The following TOMM40L variants were observed in gnomAD, a reference collection of about 807,000 sequenced individuals.
TOMM40L encodes mitochondrial import receptor subunit TOM40B.
Under a neutral mutation model 38.3 loss-of-function variants are expected in TOMM40L, and 17 were observed. The ratio of observed to expected loss-of-function variants is 0.44; its 90% confidence interval spans 0.30 to 0.67. TOMM40L has a LOEUF of 0.67. Ranked by LOEUF, TOMM40L falls within the 30% of genes least tolerant of loss-of-function variation. The probability of loss-of-function intolerance (pLI) is 0.08; values close to 1 mark genes in which losing one functional copy is unlikely to be tolerated. For synonymous variants in TOMM40L, 151 were observed against 150.2 expected, an observed-to-expected ratio of 1.01 and a Z score of -0.04; for missense variants, 294 against 390.0, an observed-to-expected ratio of 0.75 and a Z score of 2.07.
At position 161,226,360 on chromosome 1, in the gene TOMM40L, G is replaced by GAT; in HGVS notation, c.-130_-129insAT. 1.4e-6 allele frequency: 1 copy of GAT among 735,214 alleles called. No homozygotes were observed. Among genetic ancestry groups the GAT allele is most frequent in the Non-Finnish European group, 2.2e-6 (1 of 447,968 alleles). The allele number at this position is 735,214 out of a possible 1,614,324, so 45.5% of individuals were successfully genotyped here. ...CCCTACTCTTCCTGTTCCAGGTGTA[G>GAT]CGTCGGACCATGTGGAAGTTTCTGA... On this transcript the variant is annotated 5_prime_UTR_variant, in exon 2 of 10. Transcript: ENST00000367988.
In TOMM40L at chr1:161,229,648, G is replaced by A. The variant is rs1375810875; in HGVS notation, c.*553G>A. ...CTATGGTCACCCCCACTATCCCCAT[G>A]ACCGCATGAAGAGGCAGTTATTGCT... is the stretch of plus-strand genomic sequence containing the variant. On this transcript the variant is annotated 3_prime_UTR_variant, in exon 10 of 10. Transcript: ENST00000367988. 6.2e-7 allele frequency: 1 copy of A among 1,613,112 alleles called. No individual in the cohort carries two copies. The highest frequency in any genetic ancestry group is 1.1e-5 in the South Asian group (1 of 90,956).
chr1:161,229,738 T>G lies in TOMM40L; in HGVS notation c.*643T>G, dbSNP rs1327146568. ...GGCCCAATCTTTGGTCCCAGCATTTTCCCACTCCAGTGTATCCAGGGTGTT... is the reference window on the plus strand; with the variant it reads ...GGCCCAATCTTTGGTCCCAGCATTTGCCCACTCCAGTGTATCCAGGGTGTT... On this transcript the variant is annotated 3_prime_UTR_variant, in exon 10 of 10. Coordinates refer to ENST00000367988, the MANE Select transcript of TOMM40L (RefSeq NM_032174.6). The G allele has an allele frequency of 6.2e-7, 1 of 1,614,228 alleles. No homozygotes were observed. The highest frequency in any genetic ancestry group is 8.5e-7 in the Non-Finnish European group (1 of 1,180,036).
rs370281671 is a variant in TOMM40L at position 161,229,018 on chromosome 1, G to C, written c.850G>C (p.Val284Leu). Reference protein sequence around the residue: ...VLEKKMPPLPVTLALGAFLNH... With the variant: ...VLEKKMPPLPLTLALGAFLNH... Reference sequence around the variant, plus strand: ...GGAGAAGAAGATGCCCCCTCTGCCTGTCACCCTAGCCCTTGGAGCCTTCCT... The same window carrying C: ...GGAGAAGAAGATGCCCCCTCTGCCTCTCACCCTAGCCCTTGGAGCCTTCCT... The change falls in exon 10 of 10, where the codon GTC becomes CTC. Residue 284 changes from valine (V) to leucine (L), a missense_variant. By Grantham distance (32) the Val-to-Leu change is conservative (BLOSUM62 1). Transcript: ENST00000367988. The C allele has an allele frequency of 1.2e-6, 2 of 1,613,978 alleles. No homozygotes were observed. Among genetic ancestry groups the C allele is most frequent in the African/African-American group, 2.7e-5 (2 of 74,882 alleles).
intron 6 of TOMM40L, 80 bp downstream of exon 6, chr1:161,228,069 T>C: frequency 6.3e-7 from 1 of 1,592,940 alleles, no homozygotes; most frequent in East Asian, 2.2e-5. Flanking sequence ...TTCTGTACAG[T>C]TTGGAGTTTA....
rs781742411 is a variant in TOMM40L at position 161,227,988 on chromosome 1, G to C, written c.483G>C (p.Ser161=). Residue 161 remains serine, a splice_region_variant and synonymous_variant, in exon 6 of 10, where the codon TCG becomes TCC. Transcript: ENST00000367988. Reference sequence around the variant, plus strand: ...GAAATCCTGACCTGATTGGGGAGTCGGGTGAGGAACTGGGACAGGGTTCTT... The same window carrying C: ...GAAATCCTGACCTGATTGGGGAGTCCGGTGAGGAACTGGGACAGGGTTCTT... ...TLGNPDLIGE[S]VIMVAHFLQS... is the part of the protein sequence containing the mutation. The C allele has an allele frequency of 3.1e-6, 5 of 1,613,830 alleles. No individual in the cohort carries two copies. The highest frequency in any genetic ancestry group is 3.4e-6 in the Non-Finnish European group (4 of 1,179,868).
intron 3 of TOMM40L, 25 bp downstream of exon 3, chr1:161,226,980 C>T: frequency 6.2e-7 from 1 of 1,613,482 alleles, no homozygotes; most frequent in Non-Finnish European, 8.5e-7. Flanking sequence ...CTGGCCCCTC[C>T]TTACTATTCC....
chr1:161,226,848 T>G lies in TOMM40L; in HGVS notation c.116-40T>G, dbSNP rs199870740. The G allele has an allele frequency of 3.8e-4, 611 of 1,607,320 alleles. 2 individuals carry two copies. The African/African-American group carries it at 7.1e-3, about 19-fold the overall frequency. On this transcript the variant is annotated intron_variant, in intron 2 of 9. Coordinates refer to ENST00000367988, the MANE Select transcript of TOMM40L (RefSeq NM_032174.6). ...GACTATCTTTTGGGGTAGGGGTTCTTTGTCTGTGCTTATTCCTTCCCTTCC... is the reference window on the plus strand; with the variant it reads ...GACTATCTTTTGGGGTAGGGGTTCTGTGTCTGTGCTTATTCCTTCCCTTCC...
At chr1:161,227,401 C>A in intron 4 of TOMM40L, 51 bp downstream of exon 4, 1 of 1,555,446 alleles carries the variant, frequency 6.4e-7, no homozygotes. Context: ...ATCTGGGACC[C>A]AGGTCTGGAG....
rs1011044762 is a variant in TOMM40L at position 161,229,328 on chromosome 1, T to A, written c.*233T>A. ...ACCAGCCCCAGTATCACCTTCCCCATGCTCTTGTGGCTGTGGACTAAGGGA... is the reference window on the plus strand; with the variant it reads ...ACCAGCCCCAGTATCACCTTCCCCAAGCTCTTGTGGCTGTGGACTAAGGGA... On this transcript the variant is annotated 3_prime_UTR_variant, in exon 10 of 10. Coordinates refer to ENST00000367988, the MANE Select transcript of TOMM40L (RefSeq NM_032174.6). 2 of 640,370 alleles carry A rather than the reference T, an allele frequency of 3.1e-6. No individual in the cohort carries two copies. The highest frequency in any genetic ancestry group is 3.7e-5 in the African/African-American group (2 of 54,572). The allele number at this position is 640,370 out of a possible 1,614,324, so 39.7% of individuals were successfully genotyped here. A position where few individuals can be genotyped will look rare whatever the true frequency, so the allele number is the denominator to read the frequency against.
chr1:161,229,166 C>T lies in TOMM40L; in HGVS notation c.*71C>T, dbSNP rs1301226456. 1.9e-6 allele frequency: 3 copies of T among 1,608,036 alleles called. No homozygotes were observed. Among genetic ancestry groups the T allele is most frequent in the African/African-American group, 2.7e-5 (2 of 74,784 alleles). ...GGTGCCCTAGGGCCAAAGACTAGGC[C>T]CCTCTTCAGAGCCCACCTTGCTGGG... On this transcript the variant is annotated 3_prime_UTR_variant, in exon 10 of 10. Transcript: ENST00000367988.
chr1:161,229,703 C>T lies in TOMM40L; in HGVS notation c.*608C>T. 1 of 1,614,160 alleles carries T rather than the reference C, an allele frequency of 6.2e-7. No homozygotes were observed. The highest frequency in any genetic ancestry group is 8.5e-7 in the Non-Finnish European group (1 of 1,180,010). On this transcript the variant is annotated 3_prime_UTR_variant, in exon 10 of 10. Transcript: ENST00000367988. The stretch of plus-strand genomic sequence containing the variant: ...TCTTTCATTGCAACCACTGGGCTCC[C>T]TTTGAACCCGGCCCAATCTTTGGTC...
Position 161,226,879 on chromosome 1 carries a change from C to G in TOMM40L, c.116-9C>G. 6.2e-7 allele frequency: 1 copy of G among 1,613,936 alleles called. No homozygotes were observed. The highest frequency in any genetic ancestry group is 8.5e-7 in the Non-Finnish European group (1 of 1,179,892). On this transcript the variant is annotated splice_polypyrimidine_tract_variant and intron_variant, in intron 2 of 9. Transcript: ENST00000367988. Reference sequence around the variant, plus strand: ...GTGCTTATTCCTTCCCTTCCCCTACCCCCTTCAGATGTATTCCCAGCACAG... The same window carrying G: ...GTGCTTATTCCTTCCCTTCCCCTACGCCCTTCAGATGTATTCCCAGCACAG...
rs1380011177 is a variant in TOMM40L at position 161,227,313 on chromosome 1, C to A, written c.239C>A (p.Ala80Glu). 7 of 1,614,006 alleles carry A rather than the reference C, an allele frequency of 4.3e-6. No homozygotes were observed. The highest frequency in any genetic ancestry group is 2.7e-5 in the African/African-American group (2 of 74,896). ...GGCTTGCCGGGATATCACCTCCATGCGGCCTATGCAGGGGATTGGCAGCTC... is the reference window on the plus strand; with the variant it reads ...GGCTTGCCGGGATATCACCTCCATGAGGCCTATGCAGGGGATTGGCAGCTC... The part of the protein sequence containing the change: ...ALGLPGYHLH[A>E]AYAGDWQLSP... The change falls in exon 4 of 10, where the codon GCG (alanine) becomes GAG (glutamate). Residue 80 changes from alanine to glutamate, a missense_variant. Physicochemically the swap from Ala to Glu is moderately radical, Grantham distance 107. Transcript: ENST00000367988.
Position 161,227,925 on chromosome 1 carries a change from G to C in TOMM40L, c.420G>C (p.Glu140Asp). 6.2e-7 allele frequency: 1 copy of C among 1,614,166 alleles called. No homozygotes were observed. Among genetic ancestry groups the C allele is most frequent in the Non-Finnish European group, 8.5e-7 (1 of 1,180,002 alleles). ...AKFLTWQFDG[E>D]YRGDDYTATL... ...TCCTGACATGGCAGTTTGATGGCGA[G>C]TATCGGGGAGATGACTACACAGCCA... The change falls in exon 6 of 10, where the codon GAG becomes GAC. Residue 140 changes from glutamate to aspartate, a missense_variant. Physicochemically the swap from Glu to Asp is conservative, Grantham distance 45. Transcript: ENST00000367988.
chr1:161,228,980 T>C lies in TOMM40L; in HGVS notation c.812T>C (p.Val271Ala). The C allele has an allele frequency of 6.2e-7, 1 of 1,614,168 alleles. No individual in the cohort carries two copies. Among genetic ancestry groups the C allele is most frequent in the Non-Finnish European group, 8.5e-7 (1 of 1,180,024 alleles). Reference protein sequence around the residue: ...FRGLVDSNWCVGAVLEKKMPP... With the variant: ...FRGLVDSNWCAGAVLEKKMPP... ...GGCTTGGTGGATAGTAACTGGTGTG[T>C]AGGTGCTGTGCTGGAGAAGAAGATG... Residue 271 changes from valine to alanine, a missense_variant, in exon 10 of 10, where the codon GTA becomes GCA. By Grantham distance (64) the Val-to-Ala change is moderately conservative. Coordinates refer to ENST00000367988, the MANE Select transcript of TOMM40L (RefSeq NM_032174.6).
chr1:161,226,881 C>T lies in TOMM40L; in HGVS notation c.116-7C>T, dbSNP rs533204880. On this transcript the variant is annotated splice_region_variant and splice_polypyrimidine_tract_variant and intron_variant, in intron 2 of 9. Coordinates refer to ENST00000367988, the MANE Select transcript of TOMM40L (RefSeq NM_032174.6). ...GCTTATTCCTTCCCTTCCCCTACCC[C>T]CTTCAGATGTATTCCCAGCACAGAT... The T allele has an allele frequency of 9.3e-6, 15 of 1,614,068 alleles. No homozygotes were observed. Among genetic ancestry groups the T allele is most frequent in the Non-Finnish European group, 1.2e-5 (14 of 1,179,960 alleles).
rs533893583 is a variant in TOMM40L, at chr1:161,226,190, T to C, written c.-136+54T>C. 9.4e-6 allele frequency: 3 copies of C among 318,856 alleles called. No homozygotes were observed. In the South Asian group the frequency reaches 1.2e-4, roughly 13 times the overall value. 19.8% of individuals were successfully genotyped at this position (318,856 alleles called of 1,614,324 possible). On this transcript the variant is annotated intron_variant, in intron 1 of 9. Coordinates refer to ENST00000367988, the MANE Select transcript of TOMM40L (RefSeq NM_032174.6). ...GGTCTTGGGGCCTGGGAATGAAGAA[T>C]AGAGAGGCTAGGGAGCTAGGTGAAG...
At position 161,230,082 on chromosome 1, in the gene TOMM40L, T is replaced by C. The variant is rs1666785591; in HGVS notation, c.*987T>C. Reference sequence around the variant, plus strand: ...CTCTGGTATGACAGACTATCAGAGGTTCCAAAGGTCCTCCAGGGGGCCTCG... The same window carrying C: ...CTCTGGTATGACAGACTATCAGAGGCTCCAAAGGTCCTCCAGGGGGCCTCG... On this transcript the variant is annotated 3_prime_UTR_variant, in exon 10 of 10. Coordinates refer to ENST00000367988, the MANE Select transcript of TOMM40L (RefSeq NM_032174.6). The C allele has an allele frequency of 2.3e-6, 2 of 877,686 alleles. No individual in the cohort carries two copies. Among genetic ancestry groups the C allele is most frequent in the Non-Finnish European group, 3.4e-6 (2 of 582,616 alleles). The allele number at this position is 877,686 out of a possible 1,614,324, so 54.4% of individuals were successfully genotyped here. A position where few individuals can be genotyped will look rare whatever the true frequency, so the allele number is the denominator to read the frequency against.
At position 161,227,635 on chromosome 1, in the gene TOMM40L, GGTGTTCCCCACT is replaced by G. The variant is rs771589765; in HGVS notation, c.280_291del (p.Phe94_Val97del). On this transcript the variant is annotated inframe_deletion and splice_region_variant, in exon 5 of 10. Transcript: ENST00000367988. ...TTACTACTGTGTACACCCTTCCACA[GGTGTTCCCCACT>G]GTGGTAGGGGATATGGACAGCAGTG... 2 of 1,613,146 alleles carry G rather than the reference GGTGTTCCCCACT, an allele frequency of 1.2e-6. No individual in the cohort carries two copies. The highest frequency in any genetic ancestry group is 2.2e-5 in the South Asian group (2 of 91,030).
Sources: gnomAD v4.1 joint callset for allele counts on GRCh38, gnomAD v4.1.1 for gene constraint, MANE v1.5 for transcripts, NCBI Gene and HGNC (gene_info 2026-07-23, HGNC 2026-07-21) for gene names.